Variants in POC1B observed in about 807,000 individuals in gnomAD.
POC1B encodes POC1 centriolar protein homolog B.
POC1B carries 44 observed loss-of-function variants against 60.6 expected under a neutral mutation model. That is an observed-to-expected ratio of 0.73 (90% CI 0.57 to 0.93). The LOEUF (loss-of-function observed/expected upper bound fraction) is 0.93, where lower values mean the gene tolerates loss of function less well. Ranked by LOEUF, POC1B falls within the 40% of genes least tolerant of loss-of-function variation. The pLI, the probability that POC1B is intolerant of heterozygous loss-of-function variation, is 0.00. For missense variants in POC1B, 555 were observed against 572.3 expected (o/e 0.97, Z 0.31); for synonymous variants, 180 against 198.9 (o/e 0.90, Z 0.80).
At chr12:89,493,502 G>A (rs569363347) in intron 3 of POC1B, among the ~76,000 whole-genome samples, 1 of 152,266 alleles carries the variant, frequency 6.6e-6, no homozygotes, top group East Asian at 1.9e-4. Context: ...CCTGACATAT[G>A]ATATTACTCA....
Position 89,525,989 on chromosome 12 carries a change from G to T in POC1B, c.-94C>A, listed in dbSNP as rs878916172. 1.3e-6 allele frequency: 2 copies of T among 1,543,122 alleles called. No homozygotes were observed. The highest frequency in any genetic ancestry group is 2.4e-5 in the South Asian group (2 of 83,790). ...AAGGAGAGGGGACCGTGCGGCTCCC[G>T]GAACCGTCTGCCCAGAGCGGCAGCG... On this transcript the variant is annotated 5_prime_UTR_variant, in exon 1 of 12. Transcript: ENST00000313546.
rs763497406 is a variant in POC1B, at chr12:89,424,257, A to AT, written c.1332+903_1332+904insA. ...ACAGAATCATATGTGGGTTCTTAAA[A>AT]GACTGATGCTAGGGGCTTATCCCAG... On this transcript the variant is annotated intron_variant, in intron 11 of 11. Coordinates refer to ENST00000313546, the MANE Select transcript of POC1B (RefSeq NM_172240.3). 9.8e-5 allele frequency among the ~76,000 whole-genome samples: 15 copies of AT among 152,324 alleles called. 1 individual carries two copies. The highest frequency in any genetic ancestry group is 6.8e-3 in the Middle Eastern group (2 of 294).
intron 10 of POC1B, among the ~76,000 whole-genome samples, chr12:89,431,587 T>C (rs1231743176): frequency 6.6e-6 from 1 of 152,236 alleles, no homozygotes; most frequent in Non-Finnish European, 1.5e-5. Flanking sequence ...TCATTTATTT[T>C]CAATGATAAA....
intron 10 of POC1B, among the ~76,000 whole-genome samples, chr12:89,438,488 G>T (rs562327710): frequency 2.0e-5 from 3 of 151,986 alleles, no homozygotes; most frequent in East Asian, 3.9e-4. Flanking sequence ...CAAACAAAAA[G>T]CTCTTCAAAA....
chr12:89,457,830 T>C (rs1388364328), intron 10 of POC1B, among the ~76,000 whole-genome samples: 1 of 152,206 alleles, frequency 6.6e-6, no homozygotes, highest in African/African-American at 2.4e-5. Flanking sequence ...ATGTCATGTG[T>C]TTGTTATACA....
chr12:89,439,197 T>C (rs1186564593), intron 10 of POC1B, among the ~76,000 whole-genome samples: 1 of 152,198 alleles, frequency 6.6e-6, no homozygotes, highest in Non-Finnish European at 1.5e-5. Flanking sequence ...AAGCTACAAA[T>C]GGCAAAATCA....
Position 89,472,215 on chromosome 12 carries a change from C to G in POC1B, c.513G>C (p.Trp171Cys). ...TAACACATTGCTTATTTGTGGTATC[C>G]CAAATTTTAATAGTTTTATCCTCAC... Reference protein sequence around the residue: ...SCSEDKTIKIWDTTNKQCVNN... With the variant: ...SCSEDKTIKICDTTNKQCVNN... Residue 171 changes from tryptophan (W) to cysteine (C), a missense_variant, in exon 5 of 12, where the codon TGG (tryptophan) becomes TGC (cysteine). Physicochemically the swap from Trp to Cys is radical, Grantham distance 215. Transcript: ENST00000313546. The G allele has an allele frequency of 6.2e-7, 1 of 1,607,766 alleles. No homozygotes were observed. The highest frequency in any genetic ancestry group is 8.5e-7 in the Non-Finnish European group (1 of 1,174,858).
At chr12:89,522,305 T>C (rs1870954236) in intron 2 of POC1B, 1 of 397,350 alleles carries the variant, frequency 2.5e-6, no homozygotes, top group Non-Finnish European at 4.4e-6. Context: ...ATTTTCTTTT[T>C]GATTAGAAAA....
intron 2 of POC1B, chr12:89,500,384 C>T (rs1869495229): frequency 2.0e-6 from 3 of 1,498,094 alleles, no homozygotes; most frequent in Non-Finnish European, 2.8e-6. Flanking sequence ...AGCCTCTCTG[C>T]AGTTTGTTGT....
At position 89,420,594 on chromosome 12, in the gene POC1B, T is replaced by A. The variant is rs1217299489; in HGVS notation, c.*559A>T. On this transcript the variant is annotated 3_prime_UTR_variant, in exon 12 of 12. Transcript: ENST00000313546. ...CTATTGTTAATTAAAATAAGTGTAT[T>A]CTTGCTGTGGAAATTCTGTGGTCTG... is the stretch of plus-strand genomic sequence containing the variant. The A allele has an allele frequency of 6.6e-6, 1 of 152,336 alleles. No homozygotes were observed. Among genetic ancestry groups the A allele is most frequent in the Non-Finnish European group, 1.5e-5 (1 of 68,124 alleles). The allele number at this position is 152,336 out of a possible 1,614,324, so 9.4% of individuals were successfully genotyped here. A position where few individuals can be genotyped will look rare whatever the true frequency, so the allele number is the denominator to read the frequency against.
At chr12:89,480,595 A>ATTT (rs765505677) in intron 4 of POC1B, among the ~76,000 whole-genome samples, 21 of 69,876 alleles carry the variant, frequency 3.0e-4, no homozygotes, top group Non-Finnish European at 4.4e-4. Context: ...TAATTTTTGT[A>ATTT]TTTTTTTTTT....
At chr12:89,437,164 C>T (rs1313422203) in intron 10 of POC1B, among the ~76,000 whole-genome samples, 1 of 152,166 alleles carries the variant, frequency 6.6e-6, no homozygotes, top group Middle Eastern at 3.2e-3. Flanking sequence ...ATTACAATAG[C>T]CTCCTAATCC....
Position 89,497,336 on chromosome 12 carries a change from G to A in POC1B, c.107C>T (p.Ala36Val). The change falls in exon 3 of 12, where the codon GCT becomes GTT. Residue 36 changes from alanine to valine, a missense_variant. Ala to Val is a moderately conservative substitution (Grantham distance 64). Transcript: ENST00000313546. ...TAGCATGAGAAAGGTATCCCAAGAA[G>A]CAGTAGCTATCAAGAAATAGAAGAA... ...LSPNGKQLAT[A>V]SWDTFLMLWN... 2 of 1,610,834 alleles carry A rather than the reference G, an allele frequency of 1.2e-6. No individual in the cohort carries two copies. The highest frequency in any genetic ancestry group is 1.3e-5 in the African/African-American group (1 of 74,912).
intron 2 of POC1B, chr12:89,522,734 A>G: frequency 6.7e-7 from 1 of 1,495,910 alleles, no homozygotes; most frequent in Non-Finnish European, 8.9e-7. Context: ...AAAATAAAAT[A>G]CAATCTTCAC....
At chr12:89,410,694 G>GAAA in the POC1B span, among the ~76,000 whole-genome samples, 9 of 147,482 alleles carry the variant, frequency 6.1e-5, no homozygotes, top group Non-Finnish European at 8.9e-5. Flanking sequence ...AAAAAAAAAG[G>GAAA]AAAAAGAAAA....
chr12:89,521,373 GA>G (rs1398911776), intron 2 of POC1B: 1 of 152,244 alleles, frequency 6.6e-6, no homozygotes, highest in Non-Finnish European at 1.5e-5. Context: ...AAAGTGCTGG[GA>G]TTACATGCGT....
intron 10 of POC1B, among the ~76,000 whole-genome samples, chr12:89,429,984 A>G (rs1302392756): frequency 6.6e-6 from 1 of 152,218 alleles, no homozygotes; most frequent in Non-Finnish European, 1.5e-5. Context: ...CAGACATGGT[A>G]TCTTCCTTCA....
intron 2 of POC1B, among the ~76,000 whole-genome samples, chr12:89,513,109 T>C (rs1870266103): frequency 6.6e-6 from 1 of 152,198 alleles, no homozygotes; most frequent in Non-Finnish European, 1.5e-5. Context: ...TGAGAAACAC[T>C]GCACTCTGTT....
the POC1B span, among the ~76,000 whole-genome samples, chr12:89,408,835 A>G: frequency 6.6e-6 from 1 of 152,122 alleles, no homozygotes; most frequent in Non-Finnish European, 1.5e-5. Context: ...GTGAGATGGT[A>G]TCTTATTGCG....
Sources: allele counts gnomAD v4.1 joint callset (sites outside exome capture counted in the v4.1 genomes callset), GRCh38; gene constraint gnomAD v4.1.1; transcripts MANE v1.5; gene names NCBI Gene and HGNC (gene_info 2026-07-23, HGNC 2026-07-21).